The following CPQ variants were observed in gnomAD, a reference collection of about 807,000 sequenced individuals.
CPQ encodes the protein carboxypeptidase Q, also known as Ser-Met dipeptidase.
In CPQ, 37 loss-of-function variants were observed where a neutral mutation model predicts 45.7. That is an observed-to-expected ratio of 0.81 (90% confidence interval 0.62 to 1.07). The LOEUF (loss-of-function observed/expected upper bound fraction) is 1.07, where lower values mean the gene tolerates loss of function less well. CPQ is among the 50% of genes least tolerant of loss of function. The pLI, the probability that CPQ is intolerant of heterozygous loss-of-function variation, is 0.00. For synonymous variants in CPQ, 186 were observed against 205.8 expected (o/e 0.90, Z 0.82); for missense variants, 537 against 572.9 (o/e 0.94, Z 0.64).
At chr8:96,900,899 A>C (rs187118845) in intron 4 of CPQ, among the ~76,000 whole-genome samples, 3 of 152,314 alleles carry the variant, frequency 2.0e-5, no homozygotes, top group Admixed American at 6.5e-5. Context: ...CATGAAGGAC[A>C]AATCCAAATA....
intron 1 of CPQ, among the ~76,000 whole-genome samples, chr8:96,694,466 AAGAC>A (rs1048622157): frequency 2.0e-5 from 3 of 152,210 alleles, no homozygotes; most frequent in African/African-American, 4.8e-5. Flanking sequence ...ATGGCTGGAT[AAGAC>A]ACATTCTTCT....
At chr8:97,058,914 T>C (rs112348057) in intron 6 of CPQ, among the ~76,000 whole-genome samples, 1 of 152,166 alleles carries the variant, frequency 6.6e-6, no homozygotes, top group African/African-American at 2.4e-5. Context: ...ATCCTGGATA[T>C]TGCATTTTTT....
chr8:97,082,032 A>C (rs118025631), intron 7 of CPQ, among the ~76,000 whole-genome samples: 1 of 152,336 alleles, frequency 6.6e-6, no homozygotes, highest in Non-Finnish European at 1.5e-5. Flanking sequence ...CAAGATTTCT[A>C]TATTAGTCTA....
In CPQ at chr8:96,744,221, TG is replaced by T. The variant is rs538874345; in HGVS notation, c.-34-40640del. 5.9e-4 allele frequency among the ~76,000 whole-genome samples: 90 copies of T among 152,314 alleles called. 1 individual carries two copies. In the South Asian group the frequency reaches 0.017, roughly 28 times the overall value. ...CAGTCGGAAAAGCGCAGTATTAGGG[TG>T]GGAGTGACCCGATTTTCCAGATGCC... is the stretch of plus-strand genomic sequence containing the variant. On this transcript the variant is annotated intron_variant, in intron 1 of 7. Coordinates refer to ENST00000220763, the MANE Select transcript of CPQ (RefSeq NM_016134.4).
chr8:96,707,027 T>C (rs1205626738), intron 1 of CPQ, among the ~76,000 whole-genome samples: 2 of 152,158 alleles, frequency 1.3e-5, no homozygotes, highest in Non-Finnish European at 2.9e-5. Context: ...TTTGATTTAG[T>C]TATATCTATG....
chr8:96,669,919 C>T (rs1808978772), intron 1 of CPQ, among the ~76,000 whole-genome samples: 1 of 152,140 alleles, frequency 6.6e-6, no homozygotes, highest in Non-Finnish European at 1.5e-5. Flanking sequence ...TCCTGCAAGC[C>T]TCTGGTCACA....
intron 5 of CPQ, among the ~76,000 whole-genome samples, chr8:97,016,886 G>A (rs1183532774): frequency 6.6e-6 from 1 of 152,242 alleles, no homozygotes; most frequent in Non-Finnish European, 1.5e-5. Context: ...GATCATGATG[G>A]CAGACCAGAA....
At chr8:97,112,162 A>AT (rs11351898) in intron 7 of CPQ, among the ~76,000 whole-genome samples, 75 of 141,534 alleles carry the variant, frequency 5.3e-4, no homozygotes, top group Middle Eastern at 3.5e-3. Flanking sequence ...TTTTTTTTTT[A>AT]TTTTTTTTTT....
intron 7 of CPQ, among the ~76,000 whole-genome samples, chr8:97,098,006 C>G (rs1367073900): frequency 2.0e-5 from 3 of 152,200 alleles, no homozygotes; most frequent in Non-Finnish European, 2.9e-5. Context: ...GAACATACAG[C>G]ATTGTCTCTA....
At position 97,071,397 on chromosome 8, in the gene CPQ, A is replaced by G. The variant is rs2513350; in HGVS notation, c.1255+5187A>G. 1.2e-4 allele frequency among the ~76,000 whole-genome samples: 19 copies of G among 152,282 alleles called. No homozygotes were observed. In the East Asian group the frequency reaches 1.5e-3, roughly 12 times the overall value. On this transcript the variant is annotated intron_variant, in intron 7 of 7. Coordinates refer to ENST00000220763, the MANE Select transcript of CPQ (RefSeq NM_016134.4). Reference sequence around the variant, plus strand: ...AAATAAGTCTGGTAACCTATGAGTCATTATTTCTACCAGGCCTCCACTTGT... The same window carrying G: ...AAATAAGTCTGGTAACCTATGAGTCGTTATTTCTACCAGGCCTCCACTTGT...
At chr8:96,801,299 A>T (rs1187823169) in intron 2 of CPQ, among the ~76,000 whole-genome samples, 2 of 152,070 alleles carry the variant, frequency 1.3e-5, no homozygotes, top group Non-Finnish European at 2.9e-5. Context: ...AAAAACAAAA[A>T]TCCACTCACC....
intron 4 of CPQ, among the ~76,000 whole-genome samples, chr8:96,933,900 T>A (rs758593493): frequency 4.6e-5 from 7 of 152,208 alleles, no homozygotes; most frequent in Non-Finnish European, 1.0e-4. Context: ...GCAAATCACT[T>A]GGCTTCTCTG....
At chr8:96,764,515 A>G (rs534632338) in intron 1 of CPQ, among the ~76,000 whole-genome samples, 1 of 152,340 alleles carries the variant, frequency 6.6e-6, no homozygotes, top group Admixed American at 6.5e-5. Context: ...GGATGTAAAC[A>G]TATGTCAAAA....
intron 1 of CPQ, among the ~76,000 whole-genome samples, chr8:96,777,384 C>G (rs1810618829): frequency 6.6e-6 from 1 of 151,866 alleles, no homozygotes; most frequent in East Asian, 1.9e-4. Context: ...ACACAACTTA[C>G]CACCCCTCAT....
intron 7 of CPQ, among the ~76,000 whole-genome samples, chr8:97,120,956 T>A (rs1811691230): frequency 1.3e-5 from 2 of 152,210 alleles, no homozygotes; most frequent in African/African-American, 4.8e-5. Context: ...TCATTGAAGC[T>A]AAAACCTAAA....
chr8:97,094,583 T>A (rs911904006), intron 7 of CPQ, among the ~76,000 whole-genome samples: 2 of 152,150 alleles, frequency 1.3e-5, no homozygotes, highest in African/African-American at 4.8e-5. Context: ...CTTTATTTTC[T>A]GTTCCTATAG....
At chr8:96,670,412 G>C (rs1808987301) in intron 1 of CPQ, among the ~76,000 whole-genome samples, 1 of 149,906 alleles carries the variant, frequency 6.7e-6, no homozygotes, top group Non-Finnish European at 1.5e-5. Context: ...ATAAATTTTA[G>C]TGAGTAGGCA....
intron 5 of CPQ, among the ~76,000 whole-genome samples, chr8:97,019,304 A>G (rs1170005681): frequency 1.3e-5 from 2 of 152,164 alleles, no homozygotes; most frequent in Non-Finnish European, 2.9e-5. Flanking sequence ...ACAAAAATAC[A>G]ATTTAAAAAC....
chr8:97,088,184 A>T (rs1463291270), intron 7 of CPQ, among the ~76,000 whole-genome samples: 1 of 152,232 alleles, frequency 6.6e-6, no homozygotes, highest in Admixed American at 6.5e-5. Context: ...TGATGAAAGC[A>T]GTGTCATACA....
Sources: gnomAD v4.1 joint callset for allele counts (sites outside exome capture counted in the v4.1 genomes callset) on GRCh38, gnomAD v4.1.1 for gene constraint, MANE v1.5 for transcripts, NCBI Gene and HGNC (gene_info 2026-07-23, HGNC 2026-07-21) for gene names.